Variants in FER1L6 observed in about 807,000 individuals in gnomAD.
The protein encoded by FER1L6 is fer-1 like family member 6.
Under a neutral mutation model 219.2 loss-of-function variants are expected in FER1L6, and 177 were observed. That is an observed-to-expected ratio of 0.81 (90% CI 0.71 to 0.91). FER1L6 has a LOEUF of 0.91. FER1L6 is among the 40% of genes least tolerant of loss of function. The pLI, the probability that FER1L6 is intolerant of heterozygous loss-of-function variation, is 0.00. For synonymous variants in FER1L6, 768 were observed against 824.3 expected, an observed-to-expected ratio of 0.93 and a Z score of 1.17; for missense variants, 2,153 against 2,259.9, an observed-to-expected ratio of 0.95 and a Z score of 0.96.
chr8:123,920,561 T>G (rs1197251021), intron 1 of FER1L6, among the ~76,000 whole-genome samples: 1 of 152,250 alleles, frequency 6.6e-6, no homozygotes, highest in Non-Finnish European at 1.5e-5. Context: ...ACGTCTAGCC[T>G]GAGTGACCAC....
intron 22 of FER1L6, among the ~76,000 whole-genome samples, chr8:124,053,075 G>GCTAA (rs1820124417): frequency 6.6e-6 from 1 of 152,206 alleles, no homozygotes. Flanking sequence ...GAGGCTCAAT[G>GCTAA]CTAACTGAAT....
At chr8:123,997,998 T>A (rs554621130) in intron 12 of FER1L6, among the ~76,000 whole-genome samples, 1 of 152,366 alleles carries the variant, frequency 6.6e-6, no homozygotes, top group South Asian at 2.1e-4. Flanking sequence ...CTTTCTGGAA[T>A]TGGTCACTAG....
rs546502038 is a variant in FER1L6 at position 123,949,731 on chromosome 8, T to G, written c.-7-6261T>G. On this transcript the variant is annotated intron_variant, in intron 1 of 40. Coordinates refer to ENST00000522917, the MANE Select transcript of FER1L6 (RefSeq NM_001039112.2). Reference sequence around the variant, plus strand: ...AGAGCAGAAAGAAGAATACAAATGTTCTGTGGGCAGGTAGACCCAAAGGAA... The same window carrying G: ...AGAGCAGAAAGAAGAATACAAATGTGCTGTGGGCAGGTAGACCCAAAGGAA... Among the ~76,000 whole-genome samples the G allele has an allele frequency of 6.6e-5, 10 of 152,270 alleles. No homozygotes were observed. In the East Asian group the frequency reaches 1.9e-3, roughly 29 times the overall value.
At chr8:124,105,528 GA>G (rs1822730470) in intron 39 of FER1L6, among the ~76,000 whole-genome samples, 1 of 152,150 alleles carries the variant, frequency 6.6e-6, no homozygotes, top group African/African-American at 2.4e-5. Context: ...AGAGATGTAA[GA>G]AAAAAGAGTA....
chr8:123,980,716 A>G lies in FER1L6; in HGVS notation c.1315A>G (p.Lys439Glu). The G allele has an allele frequency of 1.2e-6, 2 of 1,614,182 alleles. No individual in the cohort carries two copies. The highest frequency in any genetic ancestry group is 1.7e-6 in the Non-Finnish European group (2 of 1,180,014). Reference sequence around the variant, plus strand: ...CTCCAAATCTTCCAAAGGTAAAGACAAGGCTGACAAAACTGAAGATGGAAA... The same window carrying G: ...CTCCAAATCTTCCAAAGGTAAAGACGAGGCTGACAAAACTGAAGATGGAAA... The part of the protein sequence containing the change: ...KDSKSSKGKD[K>E]ADKTEDGKSQ... The change falls in exon 11 of 41, where the codon AAG (lysine) becomes GAG (glutamate). Residue 439 changes from lysine to glutamate, a missense_variant. By Grantham distance (56) the Lys-to-Glu change is moderately conservative. Coordinates refer to ENST00000522917, the MANE Select transcript of FER1L6 (RefSeq NM_001039112.2).
At chr8:124,065,400 CAAAA>C (rs60695255) in intron 26 of FER1L6, among the ~76,000 whole-genome samples, 1 of 55,190 alleles carries the variant, frequency 1.8e-5, no homozygotes, top group Non-Finnish European at 4.0e-5. Flanking sequence ...GCCTCCATCT[CAAAA>C]AAAAAAAAAA....
At chr8:123,894,902 G>A (rs889581514) in intron 1 of FER1L6, among the ~76,000 whole-genome samples, 3 of 152,186 alleles carry the variant, frequency 2.0e-5, no homozygotes, top group African/African-American at 7.2e-5. Flanking sequence ...ATAGAAAACT[G>A]TGAGTCTATA....
rs533422822 is a variant in FER1L6, at chr8:124,108,924, T to A, written c.5289+5615T>A. On this transcript the variant is annotated intron_variant, in intron 39 of 40. Coordinates refer to ENST00000522917, the MANE Select transcript of FER1L6 (RefSeq NM_001039112.2). ...GAAAAAGGGAGGGAGGGGGGAAGAA[T>A]AGAACCTCTAGCAACATACTCTTAA... 8.6e-5 allele frequency among the ~76,000 whole-genome samples: 13 copies of A among 151,962 alleles called. No individual in the cohort carries two copies. In the East Asian group the frequency reaches 9.7e-4, roughly 11 times the overall value.
At position 124,061,869 on chromosome 8, in the gene FER1L6, GCTT is replaced by G; in HGVS notation, c.3168_3170del (p.Leu1057del). On this transcript the variant is annotated inframe_deletion, in exon 25 of 41. Coordinates refer to ENST00000522917, the MANE Select transcript of FER1L6 (RefSeq NM_001039112.2). ...CTCTGCAGGAACTGCCTGAGAACGA[GCTT>G]CTGCACCCGCCACTGAGCATCTGCG... 6.2e-7 allele frequency: 1 copy of G among 1,613,620 alleles called. No homozygotes were observed. The highest frequency in any genetic ancestry group is 8.5e-7 in the Non-Finnish European group (1 of 1,179,984).
chr8:124,065,169 A>G (rs1477496281), intron 26 of FER1L6, among the ~76,000 whole-genome samples: 2 of 151,978 alleles, frequency 1.3e-5, no homozygotes, highest in African/African-American at 4.8e-5. Flanking sequence ...CGAGGTGAGT[A>G]GATCACTCGA....
intron 1 of FER1L6, among the ~76,000 whole-genome samples, chr8:123,874,258 C>T (rs1816968021): frequency 6.6e-6 from 1 of 152,188 alleles, no homozygotes; most frequent in South Asian, 2.1e-4. Flanking sequence ...CGATTTCATA[C>T]CTTCTTTTCT....
At position 124,070,587 on chromosome 8, in the gene FER1L6, G is replaced by A. The variant is rs1311216726; in HGVS notation, c.3955G>A (p.Gly1319Arg). 15 of 1,586,360 alleles carry A rather than the reference G, an allele frequency of 9.5e-6. No homozygotes were observed. The highest frequency in any genetic ancestry group is 1.3e-5 in the Non-Finnish European group (15 of 1,170,482). The change falls in exon 30 of 41, where the codon GGA becomes AGA. Residue 1319 changes from glycine (G) to arginine (R), a missense_variant. Coordinates refer to ENST00000522917, the MANE Select transcript of FER1L6 (RefSeq NM_001039112.2). ...DHGLDGDRVI[G>R]KFKGSFCIYK... ...TGGTCTTGATGGAGACCGAGTCATA[G>A]GAAAATTTAAGGCAGGTTCCATTTT...
intron 1 of FER1L6, among the ~76,000 whole-genome samples, chr8:123,920,008 T>C (rs1813312110): frequency 6.6e-6 from 1 of 152,212 alleles, no homozygotes; most frequent in South Asian, 2.1e-4. Flanking sequence ...CACTGTCCCA[T>C]CATACTTCTC....
At chr8:123,999,907 A>G (rs1193890454) in intron 12 of FER1L6, among the ~76,000 whole-genome samples, 1 of 152,166 alleles carries the variant, frequency 6.6e-6, no homozygotes, top group African/African-American at 2.4e-5. Context: ...TCACTAGGGC[A>G]TGTGCACCCC....
intron 39 of FER1L6, among the ~76,000 whole-genome samples, chr8:124,107,697 G>A (rs1822838303): frequency 6.6e-6 from 1 of 152,174 alleles, no homozygotes; most frequent in African/African-American, 2.4e-5. Context: ...GGCCTTAAGT[G>A]AGACATTTAT....
At chr8:124,027,230 T>A (rs897027695) in intron 18 of FER1L6, among the ~76,000 whole-genome samples, 5 of 152,190 alleles carry the variant, frequency 3.3e-5, no homozygotes, top group African/African-American at 9.7e-5. Context: ...AACATAAAAA[T>A]TTTGTGGGAC....
intron 9 of FER1L6, 82 bp downstream of exon 9, chr8:123,976,166 A>C: frequency 8.4e-7 from 1 of 1,189,456 alleles, no homozygotes; most frequent in South Asian, 1.8e-5. Context: ...AAATCAAATT[A>C]ATAAAAATTA....
chr8:124,116,808 G>A (rs905452238), intron 39 of FER1L6, among the ~76,000 whole-genome samples: 1 of 152,172 alleles, frequency 6.6e-6, no homozygotes, highest in Admixed American at 6.5e-5. Context: ...ATGATCTCTG[G>A]AAATAAGACT....
intron 12 of FER1L6, among the ~76,000 whole-genome samples, chr8:123,994,830 G>A (rs548661344): frequency 4.2e-4 from 64 of 152,328 alleles, no homozygotes; most frequent in African/African-American, 1.5e-3. Context: ...TCCCCTGTGA[G>A]GTAGGATCAG....
Sources: gnomAD v4.1 joint callset for allele counts (sites outside exome capture counted in the v4.1 genomes callset) on GRCh38, gnomAD v4.1.1 for gene constraint, MANE v1.5 for transcripts, NCBI Gene and HGNC (gene_info 2026-07-23, HGNC 2026-07-21) for gene names.